Variants in ELMO1 observed in about 807,000 individuals in gnomAD.
ELMO1 encodes engulfment and cell motility 1, also known as engulfment and cell motility protein 1.
ELMO1 carries 26 observed loss-of-function variants against 98.9 expected under a neutral mutation model. The ratio of observed to expected loss-of-function variants is 0.26; its 90% confidence interval spans 0.19 to 0.36. ELMO1 has a LOEUF of 0.36. Ranked by LOEUF, ELMO1 falls within the 10% of genes least tolerant of loss-of-function variation. The probability of loss-of-function intolerance (pLI) is 1.00; values close to 1 mark genes in which losing one functional copy is unlikely to be tolerated. For synonymous variants in ELMO1, 346 were observed against 346.0 expected, an observed-to-expected ratio of 1.00 and a Z score of 0.00; for missense variants, 627 against 935.2, an observed-to-expected ratio of 0.67 and a Z score of 4.30.
intron 13 of ELMO1, among the ~76,000 whole-genome samples, chr7:37,202,021 G>C (rs1792327366): frequency 6.6e-6 from 1 of 152,230 alleles, no homozygotes; most frequent in African/African-American, 2.4e-5. Flanking sequence ...TCCTTCAGGT[G>C]AAAGGGGCTG....
chr7:37,294,999 C>CA (rs58126730), intron 4 of ELMO1, among the ~76,000 whole-genome samples: 2,724 of 129,570 alleles, frequency 0.021, 46 homozygotes, highest in African/African-American at 0.059. Flanking sequence ...AACTCCGCCT[C>CA]AAAAAAAAAA....
chr7:36,994,218 C>A (rs1792051475), intron 16 of ELMO1, among the ~76,000 whole-genome samples: 1 of 152,138 alleles, frequency 6.6e-6, no homozygotes. Flanking sequence ...TATTTAATAT[C>A]TTTTCCAAGC....
intron 16 of ELMO1, among the ~76,000 whole-genome samples, chr7:36,944,669 C>G (rs1207707447): frequency 6.6e-6 from 1 of 152,206 alleles, no homozygotes; most frequent in African/African-American, 2.4e-5. Flanking sequence ...GTCAACGGGA[C>G]TTCACAGACA....
At chr7:36,975,440 G>A (rs1455930233) in intron 16 of ELMO1, among the ~76,000 whole-genome samples, 1 of 150,658 alleles carries the variant, frequency 6.6e-6, no homozygotes, top group Non-Finnish European at 1.5e-5. Flanking sequence ...CCACTGCACT[G>A]CAGCCTGGGT....
chr7:37,301,845 T>A (rs557441994), intron 4 of ELMO1, among the ~76,000 whole-genome samples: 1 of 152,266 alleles, frequency 6.6e-6, no homozygotes, highest in East Asian at 1.9e-4. Flanking sequence ...AAGCAATAGA[T>A]CTCTATCATT....
chr7:37,052,378 G>A (rs927550603), intron 15 of ELMO1, among the ~76,000 whole-genome samples: 2 of 152,306 alleles, frequency 1.3e-5, no homozygotes, highest in South Asian at 4.1e-4. Flanking sequence ...CAAGAACAGT[G>A]CTTTGTATGT....
chr7:37,220,902 C>T (rs1432358356), intron 10 of ELMO1, among the ~76,000 whole-genome samples: 2 of 152,140 alleles, frequency 1.3e-5, no homozygotes, highest in African/African-American at 2.4e-5. Context: ...TGTGGCTGGG[C>T]CAGAAGTCCC....
At chr7:37,113,885 T>A (rs983468677) in intron 14 of ELMO1, among the ~76,000 whole-genome samples, 7 of 152,138 alleles carry the variant, frequency 4.6e-5, no homozygotes, top group African/African-American at 1.7e-4. Context: ...AAGGGAGGCC[T>A]CAGAGACACC....
chr7:37,088,310 A>G (rs1335443286), intron 15 of ELMO1, among the ~76,000 whole-genome samples: 1 of 152,156 alleles, frequency 6.6e-6, no homozygotes, highest in African/African-American at 2.4e-5. Context: ...TTTTCCTGCA[A>G]TTTCAGAAGT....
intron 20 of ELMO1, among the ~76,000 whole-genome samples, chr7:36,866,882 T>C (rs1467739881): frequency 2.6e-5 from 4 of 152,198 alleles, no homozygotes; most frequent in Non-Finnish European, 5.9e-5. Context: ...AGGGCACCTC[T>C]GGAGTACGGG....
At chr7:37,003,176 T>C (rs1056681281) in intron 16 of ELMO1, among the ~76,000 whole-genome samples, 5 of 152,184 alleles carry the variant, frequency 3.3e-5, no homozygotes, top group Admixed American at 3.3e-4. Flanking sequence ...GGAATTATCA[T>C]CTCTCAAATT....
intron 16 of ELMO1, among the ~76,000 whole-genome samples, chr7:36,949,102 C>T (rs894610284): frequency 1.3e-5 from 2 of 152,006 alleles, no homozygotes; most frequent in African/African-American, 2.4e-5. Context: ...GTGATCCACC[C>T]GCCTTGGCCT....
intron 7 of ELMO1, among the ~76,000 whole-genome samples, chr7:37,238,363 G>A (rs981985066): frequency 3.3e-5 from 5 of 151,968 alleles, no homozygotes; most frequent in Non-Finnish European, 7.4e-5. Context: ...ATTTTCCAAT[G>A]GTTGCTGTTA....
intron 4 of ELMO1, among the ~76,000 whole-genome samples, chr7:37,277,017 T>A (rs1339461973): frequency 6.6e-6 from 1 of 152,206 alleles, no homozygotes; most frequent in Non-Finnish European, 1.5e-5. Flanking sequence ...GAGCAGATAG[T>A]TTATTATGTC....
intron 15 of ELMO1, among the ~76,000 whole-genome samples, chr7:37,047,915 T>TA (rs1306893416): frequency 2.0e-5 from 3 of 152,078 alleles, no homozygotes; most frequent in East Asian, 1.9e-4. Flanking sequence ...ATTTTAAAAT[T>TA]AAAAAAACCC....
At chr7:37,274,531 T>C (rs751487865) in intron 4 of ELMO1, among the ~76,000 whole-genome samples, 1 of 152,120 alleles carries the variant, frequency 6.6e-6, no homozygotes, top group African/African-American at 2.4e-5. Context: ...CCCAAGGGTA[T>C]GAAGCGGCCA....
At chr7:37,203,749 T>C (rs1792431944) in intron 13 of ELMO1, among the ~76,000 whole-genome samples, 1 of 152,038 alleles carries the variant, frequency 6.6e-6, no homozygotes, top group African/African-American at 2.4e-5. Flanking sequence ...TCAGAATAGA[T>C]AGGATAGATG....
intron 1 of ELMO1, among the ~76,000 whole-genome samples, chr7:37,345,441 G>A (rs1583596128): frequency 1.3e-5 from 2 of 152,074 alleles, no homozygotes; most frequent in Admixed American, 1.3e-4. Flanking sequence ...GCCAGGTGCG[G>A]TGGCTCACGC....
At chr7:37,170,394 T>C (rs1023641048) in intron 13 of ELMO1, among the ~76,000 whole-genome samples, 2 of 152,178 alleles carry the variant, frequency 1.3e-5, no homozygotes, top group African/African-American at 4.8e-5. Context: ...AACCCTGAGA[T>C]ATACCAGAGC....
Sources: gnomAD v4.1 joint callset for allele counts (sites outside exome capture counted in the v4.1 genomes callset) on GRCh38, gnomAD v4.1.1 for gene constraint, MANE v1.5 for transcripts, NCBI Gene and HGNC (gene_info 2026-07-23, HGNC 2026-07-21) for gene names.